The following FBXL13 variants were observed in gnomAD, a reference collection of about 807,000 sequenced individuals.
The protein encoded by FBXL13 is F-box and leucine rich repeat protein 13.
In FBXL13, 67 loss-of-function variants were observed where a neutral mutation model predicts 83.6. The ratio of observed to expected loss-of-function variants is 0.80; its 90% CI spans 0.66 to 0.98. The LOEUF is 0.98. Ranked by LOEUF, FBXL13 falls within the 50% of genes least tolerant of loss-of-function variation. The pLI, the probability that FBXL13 is intolerant of heterozygous loss-of-function variation, is 0.00. For synonymous variants in FBXL13, 272 were observed against 299.5 expected (o/e 0.91, Z 0.95); for missense variants, 822 against 866.5 (o/e 0.95, Z 0.64).
intron 6 of FBXL13, among the ~76,000 whole-genome samples, chr7:103,014,609 T>C (rs1461951429): frequency 1.3e-5 from 2 of 151,996 alleles, no homozygotes; most frequent in Non-Finnish European, 2.9e-5. Context: ...TGAATATGGA[T>C]GCAAAAATCC....
At chr7:102,830,458 C>T (rs966484351) in intron 18 of FBXL13, among the ~76,000 whole-genome samples, 5 of 152,180 alleles carry the variant, frequency 3.3e-5, no homozygotes, top group Admixed American at 1.3e-4. Context: ...AGTTGGTCAG[C>T]GCTTCTAGTG....
chr7:103,054,649 C>T (rs775754301), intron 2 of FBXL13, among the ~76,000 whole-genome samples: 4 of 152,088 alleles, frequency 2.6e-5, no homozygotes, highest in Admixed American at 6.5e-5. Flanking sequence ...CATGTCATTA[C>T]GAGCATGATT....
intron 16 of FBXL13, among the ~76,000 whole-genome samples, chr7:102,869,263 C>G (rs73408204): frequency 1.1e-4 from 16 of 152,126 alleles, no homozygotes; most frequent in Admixed American, 7.2e-4. Flanking sequence ...ACTTGTTGGC[C>G]GTATACATGT....
At chr7:102,837,808 G>C (rs143911430) in intron 17 of FBXL13, among the ~76,000 whole-genome samples, 4 of 152,300 alleles carry the variant, frequency 2.6e-5, no homozygotes, top group African/African-American at 9.6e-5. Flanking sequence ...TTCCCAAAAC[G>C]TTGGGATTAT....
At chr7:102,813,159 T>C (rs1460028508), downstream of FBXL13, 1 of 633,672 alleles carries the variant, frequency 1.6e-6, no homozygotes. Flanking sequence ...TTTTAAATCA[T>C]GATTATTTAG....
intron 2 of FBXL13, among the ~76,000 whole-genome samples, chr7:103,042,581 T>TA (rs1468935739): frequency 6.6e-6 from 1 of 152,162 alleles, no homozygotes; most frequent in Non-Finnish European, 1.5e-5. Flanking sequence ...ACTACAAGGC[T>TA]ACAGTAACCA....
intron 8 of FBXL13, among the ~76,000 whole-genome samples, chr7:102,959,687 T>C (rs1381005643): frequency 1.3e-5 from 2 of 151,996 alleles, no homozygotes; most frequent in East Asian, 1.9e-4. Flanking sequence ...AATACTTATA[T>C]GATAGATAGA....
At chr7:103,024,783 A>G (rs1363473549) in intron 6 of FBXL13, among the ~76,000 whole-genome samples, 1 of 147,350 alleles carries the variant, frequency 6.8e-6, no homozygotes, top group Non-Finnish European at 1.5e-5. Context: ...AATGCAATAC[A>G]TCAAGAGTAG....
At chr7:102,965,407 G>A (rs1825867921) in intron 7 of FBXL13, among the ~76,000 whole-genome samples, 1 of 152,100 alleles carries the variant, frequency 6.6e-6, no homozygotes, top group Non-Finnish European at 1.5e-5. Context: ...AAAGTACTTA[G>A]TGTAGCATCT....
intron 15 of FBXL13, 30 bp from the exon 17 acceptor site, chr7:102,877,623 G>T: frequency 6.3e-7 from 1 of 1,594,906 alleles, no homozygotes; most frequent in Admixed American, 1.8e-5. Flanking sequence ...ATTAATTTTA[G>T]CTGTCAATCA....
At chr7:102,937,506 C>CAAA (rs10642422) in intron 8 of FBXL13, among the ~76,000 whole-genome samples, 7,861 of 113,088 alleles carry the variant, frequency 0.07, 545 homozygotes, top group East Asian at 0.13. Flanking sequence ...GACTCTGTCT[C>CAAA]AAAAAAAAAA....
intron 6 of FBXL13, among the ~76,000 whole-genome samples, chr7:103,014,367 C>T (rs1431844263): frequency 2.0e-5 from 3 of 151,494 alleles, no homozygotes; most frequent in Non-Finnish European, 4.4e-5. Flanking sequence ...ACAAAAAAAT[C>T]AAATCAGTAA....
At chr7:103,015,346 AAT>A (rs1792162090) in intron 6 of FBXL13, among the ~76,000 whole-genome samples, 1 of 152,228 alleles carries the variant, frequency 6.6e-6, no homozygotes, top group Admixed American at 6.5e-5. Context: ...TAGCAAGAGA[AAT>A]CAGGCAATAG....
At chr7:102,873,383 T>C (rs749734945) in intron 16 of FBXL13, among the ~76,000 whole-genome samples, 2 of 152,172 alleles carry the variant, frequency 1.3e-5, no homozygotes, top group African/African-American at 4.8e-5. Context: ...CCATCCTTGA[T>C]TCACTCCCTC....
At chr7:102,953,882 T>C (rs569287005) in intron 8 of FBXL13, among the ~76,000 whole-genome samples, 1 of 152,274 alleles carries the variant, frequency 6.6e-6, no homozygotes, top group South Asian at 2.1e-4. Context: ...CTATGTATAT[T>C]TCATATGTGT....
At chr7:103,026,707 T>C (rs1468929824) in intron 5 of FBXL13, among the ~76,000 whole-genome samples, 1 of 152,208 alleles carries the variant, frequency 6.6e-6, no homozygotes, top group Admixed American at 6.5e-5. Context: ...GCTGCGTGTG[T>C]GCTATTGTCA....
At chr7:102,895,620 G>A (rs910382615) in intron 11 of FBXL13, among the ~76,000 whole-genome samples, 6 of 152,116 alleles carry the variant, frequency 3.9e-5, no homozygotes, top group Admixed American at 1.3e-4. Flanking sequence ...ATAACCCATC[G>A]TTGCACACAG....
intron 6 of FBXL13, among the ~76,000 whole-genome samples, chr7:103,024,033 T>C (rs1333065624): frequency 6.6e-6 from 1 of 151,990 alleles, no homozygotes; most frequent in Admixed American, 6.6e-5. Context: ...GCTAGGCTTA[T>C]AACCTGGGTG....
intron 5 of FBXL13, 29 bp downstream of exon 6, chr7:103,027,420 T>A: frequency 6.8e-7 from 1 of 1,473,492 alleles, no homozygotes; most frequent in African/African-American, 1.4e-5. Context: ...ACATTCGGAT[T>A]CTTAAAAAAT....
Sources: gnomAD v4.1 joint callset for allele counts (sites outside exome capture counted in the v4.1 genomes callset) on GRCh38, gnomAD v4.1.1 for gene constraint, MANE v1.5 for transcripts, NCBI Gene and HGNC (gene_info 2026-07-23, HGNC 2026-07-21) for gene names.